Variants in PLA2G10 observed in about 807,000 individuals in gnomAD.
PLA2G10 encodes the protein group 10 secretory phospholipase A2.
Under a neutral mutation model 7.9 loss-of-function variants are expected in PLA2G10, and 9 were observed. The ratio of observed to expected loss-of-function variants is 1.14; its 90% CI spans 0.68 to 1.98. The LOEUF (loss-of-function observed/expected upper bound fraction) is 1.98, where lower values mean the gene tolerates loss of function less well. Ranked by LOEUF, PLA2G10 falls within the 30% of genes most tolerant of loss-of-function variation. PLA2G10 has a pLI of 0.00. For synonymous variants in PLA2G10, 19 were observed against 27.5 expected (o/e 0.69, Z 0.97); for missense variants, 53 against 65.4 (o/e 0.81, Z 0.66).
rs896748790 is a variant in PLA2G10, at chr16:14,672,606, G to C, written c.*1C>G. On this transcript the variant is annotated 3_prime_UTR_variant, in exon 4 of 4. Transcript: ENST00000438167. Reference sequence around the variant, plus strand: ...CAAAAGAGCATTTCAAGTCAAGGTAGTCAGTCACACTTGGGCGAGTCCGGC... The same window carrying C: ...CAAAAGAGCATTTCAAGTCAAGGTACTCAGTCACACTTGGGCGAGTCCGGC... The C allele has an allele frequency of 2.5e-6, 4 of 1,613,592 alleles. No homozygotes were observed. In the African/African-American group the frequency reaches 5.3e-5, roughly 22 times the overall value.
intron 3 of PLA2G10, among the ~76,000 whole-genome samples, chr16:14,683,193 C>T (rs1960941430): frequency 6.6e-6 from 1 of 151,792 alleles, no homozygotes; most frequent in African/African-American, 2.4e-5. Context: ...ATGAAATCCT[C>T]CTCCATCTAG....
At chr16:14,680,459 C>T (rs543931017) in intron 3 of PLA2G10, among the ~76,000 whole-genome samples, 23 of 152,162 alleles carry the variant, frequency 1.5e-4, no homozygotes, top group African/African-American at 5.1e-4. Flanking sequence ...GGCATGATCA[C>T]GGCTCACTGC....
At position 14,679,053 on chromosome 16, in the gene PLA2G10, T is replaced by C. The variant is rs142355675; in HGVS notation, c.356-6304A>G. Among the ~76,000 whole-genome samples the C allele has an allele frequency of 9.6e-3, 1,460 of 152,182 alleles. 8 individuals carry two copies. The highest frequency in any genetic ancestry group is 0.02 in the Middle Eastern group (6 of 294). On this transcript the variant is annotated intron_variant, in intron 3 of 3. Coordinates refer to ENST00000438167, the MANE Select transcript of PLA2G10 (RefSeq NM_003561.3). ...CTCTGTTCCTCAGGTCTCTGCTTCA[T>C]TGGTGTCTCCGGGAGACTTTCTCTC...
At chr16:14,675,284 A>G (rs904568557) in intron 3 of PLA2G10, among the ~76,000 whole-genome samples, 4 of 152,034 alleles carry the variant, frequency 2.6e-5, no homozygotes, top group Admixed American at 1.3e-4. Flanking sequence ...CTGGATCCCT[A>G]TCTCTCACCA....
At chr16:14,688,387 TAAG>T in intron 2 of PLA2G10, 116 bp from the exon 3 acceptor site, 1 of 314,456 alleles carries the variant, frequency 3.2e-6, no homozygotes, top group East Asian at 5.0e-5. Flanking sequence ...TCCTCTTATC[TAAG>T]ATTTTTTTTT....
At position 14,685,370 on chromosome 16, in the gene PLA2G10, C is replaced by CA. The variant is rs1237588588; in HGVS notation, c.355+2794dup. Among the ~76,000 whole-genome samples the CA allele has an allele frequency of 6.4e-3, 399 of 62,722 alleles. 1 individual carries two copies. The highest frequency in any genetic ancestry group is 0.029 in the South Asian group (59 of 2,046). The allele number at this position is 62,722 out of a possible 152,430, so 41.1% of individuals were successfully genotyped here. On this transcript the variant is annotated intron_variant, in intron 3 of 3. Coordinates refer to ENST00000438167, the MANE Select transcript of PLA2G10 (RefSeq NM_003561.3). ...CTGGGTGACAGGTGAGATTTCGTGTCAAAAAAAAAAAAAAAAGAAAGAAAA... is the reference window on the plus strand; with the variant it reads ...CTGGGTGACAGGTGAGATTTCGTGTCAAAAAAAAAAAAAAAAAGAAAGAAAA...
intron 3 of PLA2G10, 104 bp from the exon 4 acceptor site, chr16:14,672,853 C>T (rs1597003693): frequency 9.5e-7 from 1 of 1,057,832 alleles, no homozygotes; most frequent in Non-Finnish European, 1.4e-6. Context: ...ATTTCTGAGA[C>T]ACTTGACAGC....
intron 3 of PLA2G10, among the ~76,000 whole-genome samples, chr16:14,684,584 A>G (rs1960997944): frequency 6.6e-6 from 1 of 151,678 alleles, no homozygotes; most frequent in South Asian, 2.1e-4. Flanking sequence ...GAGAATCGCT[A>G]AAACCTGGGA....
intron 3 of PLA2G10, among the ~76,000 whole-genome samples, chr16:14,674,131 A>AG (rs1191576833): frequency 6.6e-6 from 1 of 152,122 alleles, no homozygotes; most frequent in East Asian, 1.9e-4. Context: ...TAGCTGGAAA[A>AG]AAAAAAAGGA....
rs1443820602 is a variant in PLA2G10, at chr16:14,672,649, G to A, written c.456C>T (p.Tyr152=). 1.2e-6 allele frequency: 2 copies of A among 1,614,040 alleles called. No homozygotes were observed. The highest frequency in any genetic ancestry group is 1.7e-6 in the Non-Finnish European group (2 of 1,179,912). The change falls in exon 4 of 4, where the codon TAC becomes TAT. Residue 152 remains tyrosine (Y), a synonymous_variant. Transcript: ENST00000438167. ...QTEYNLKYLF[Y]PQFLCEPDSP... Reference sequence around the variant, plus strand: ...AGTCCGGCTCACATAGGAACTGGGGGTAGAAGAGGTACTTTAAGTTGTACT... The same window carrying A: ...AGTCCGGCTCACATAGGAACTGGGGATAGAAGAGGTACTTTAAGTTGTACT...
intron 3 of PLA2G10, among the ~76,000 whole-genome samples, chr16:14,683,023 C>A (rs375820106): frequency 6.6e-6 from 1 of 151,946 alleles, no homozygotes; most frequent in Non-Finnish European, 1.5e-5. Flanking sequence ...GGGCAGAGAT[C>A]GTGCCACTGC....
chr16:14,672,551 A>G lies in PLA2G10; in HGVS notation c.*56T>C, dbSNP rs1960615392. On this transcript the variant is annotated 3_prime_UTR_variant, in exon 4 of 4. Transcript: ENST00000438167. ...TGCAAATAACTGAATGCTGTTGTTC[A>G]TTACTGAGAGGACGCTTTATTTCCT... 6 of 1,567,750 alleles carry G rather than the reference A, an allele frequency of 3.8e-6. No individual in the cohort carries two copies. In the South Asian group the frequency reaches 6.8e-5, roughly 18 times the overall value.
At chr16:14,675,007 A>G (rs1960687843) in intron 3 of PLA2G10, among the ~76,000 whole-genome samples, 2 of 152,074 alleles carry the variant, frequency 1.3e-5, no homozygotes, top group Admixed American at 6.6e-5. Flanking sequence ...CCTCGTCTCT[A>G]CTAAAAATAC....
chr16:14,673,699 T>C lies in PLA2G10; in HGVS notation c.356-950A>G, dbSNP rs531249957. 2.0e-5 allele frequency among the ~76,000 whole-genome samples: 3 copies of C among 152,166 alleles called. No homozygotes were observed. The South Asian group carries it at 6.2e-4, about 32-fold the overall frequency. ...TAATATTTTTTTTAAAGAAACATAC[T>C]TCTCCTCAATATACTAGGCATAGAA... On this transcript the variant is annotated intron_variant, in intron 3 of 3. Coordinates refer to ENST00000438167, the MANE Select transcript of PLA2G10 (RefSeq NM_003561.3).
intron 3 of PLA2G10, among the ~76,000 whole-genome samples, chr16:14,680,395 C>T (rs536211967): frequency 3.0e-4 from 45 of 151,610 alleles, no homozygotes; most frequent in African/African-American, 6.3e-4. Flanking sequence ...ACACTGTGCC[C>T]GGCCTTTTTT....
At chr16:14,684,843 T>C (rs1291225006) in intron 3 of PLA2G10, among the ~76,000 whole-genome samples, 2 of 151,958 alleles carry the variant, frequency 1.3e-5, no homozygotes, top group Non-Finnish European at 2.9e-5. Context: ...TAAAACAGGA[T>C]TACCGTATGA....
chr16:14,680,408 T>G (rs1477364194), intron 3 of PLA2G10, among the ~76,000 whole-genome samples: 1 of 152,008 alleles, frequency 6.6e-6, no homozygotes, highest in Non-Finnish European at 1.5e-5. Context: ...CCTTTTTTGT[T>G]GAGGCAGGGT....
chr16:14,679,042 T>C (rs1222179199), intron 3 of PLA2G10, among the ~76,000 whole-genome samples: 3 of 152,120 alleles, frequency 2.0e-5, no homozygotes, highest in African/African-American at 4.8e-5. Context: ...GTTCCTCAGG[T>C]CTCTGCTTCA....
chr16:14,673,071 G>A (rs188447847), intron 3 of PLA2G10, among the ~76,000 whole-genome samples: 2 of 146,640 alleles, frequency 1.4e-5, no homozygotes, highest in African/African-American at 5.1e-5. Flanking sequence ...CCAGGCTGGA[G>A]TGCAGTGGTA....
Sources: gnomAD v4.1 joint callset for allele counts (sites outside exome capture counted in the v4.1 genomes callset) on GRCh38, gnomAD v4.1.1 for gene constraint, MANE v1.5 for transcripts, NCBI Gene and HGNC (gene_info 2026-07-23, HGNC 2026-07-21) for gene names.